Variants in CWC27 observed in about 807,000 individuals in gnomAD.
CWC27 encodes CWC27 spliceosome associated cyclophilin.
In CWC27, 47 loss-of-function variants were observed where a neutral mutation model predicts 63.6. The ratio of observed to expected loss-of-function variants is 0.74; its 90% CI spans 0.58 to 0.94. The LOEUF (loss-of-function observed/expected upper bound fraction) is 0.94, where lower values mean the gene tolerates loss of function less well. Ranked by LOEUF, CWC27 falls within the 40% of genes least tolerant of loss-of-function variation. The probability of loss-of-function intolerance (pLI) is 0.00; values close to 1 mark genes in which losing one functional copy is unlikely to be tolerated. For synonymous variants in CWC27, 175 were observed against 179.8 expected, an observed-to-expected ratio of 0.97 and a Z score of 0.22; for missense variants, 495 against 554.3, an observed-to-expected ratio of 0.89 and a Z score of 1.07.
intron 11 of CWC27, among the ~76,000 whole-genome samples, chr5:64,927,393 C>T (rs1748140299): frequency 6.6e-6 from 1 of 152,164 alleles, no homozygotes; most frequent in African/African-American, 2.4e-5. Context: ...TTCTCCAGTG[C>T]CAGCCCTGCC....
chr5:64,920,647 A>G lies in CWC27; in HGVS notation c.1042+35101A>G, dbSNP rs537052801. ...CAGTTTCAGAAATTGTTATTGATCC[A>G]TTCAAGCTTTTAGTTTTTTCCTGAT... is the stretch of plus-strand genomic sequence containing the variant. On this transcript the variant is annotated intron_variant, in intron 11 of 13. Transcript: ENST00000381070. Among the ~76,000 whole-genome samples the G allele has an allele frequency of 1.2e-4, 19 of 152,260 alleles. No homozygotes were observed. In the South Asian group the frequency reaches 3.9e-3, roughly 32 times the overall value.
At chr5:64,815,811 C>T (rs1014132248) in intron 10 of CWC27, among the ~76,000 whole-genome samples, 2 of 152,134 alleles carry the variant, frequency 1.3e-5, no homozygotes, top group Non-Finnish European at 2.9e-5. Context: ...TGGATATCTT[C>T]CATAATTTCA....
chr5:64,901,515 T>C (rs925477660), intron 11 of CWC27, among the ~76,000 whole-genome samples: 10 of 151,492 alleles, frequency 6.6e-5, no homozygotes, highest in African/African-American at 2.4e-5. Context: ...TAGGCACTTA[T>C]CATGAATGGA....
chr5:64,771,913 G>GT (rs1261631557), intron 1 of CWC27, among the ~76,000 whole-genome samples: 1 of 152,134 alleles, frequency 6.6e-6, no homozygotes, highest in East Asian at 1.9e-4. Context: ...TTTACTAGGT[G>GT]TAAGTTGCCT....
intron 10 of CWC27, among the ~76,000 whole-genome samples, chr5:64,829,900 T>C (rs1745468362): frequency 6.6e-6 from 1 of 151,862 alleles, no homozygotes; most frequent in African/African-American, 2.4e-5. Context: ...TGTGTTTGGT[T>C]TTCTGTTCTT....
At chr5:64,956,805 A>C (rs936696402) in intron 11 of CWC27, among the ~76,000 whole-genome samples, 2 of 152,168 alleles carry the variant, frequency 1.3e-5, no homozygotes, top group African/African-American at 2.4e-5. Flanking sequence ...TTTATTAGCC[A>C]TATAAACTGG....
intron 10 of CWC27, chr5:64,808,191 C>T (rs1324697162): frequency 9.9e-7 from 1 of 1,005,400 alleles, no homozygotes; most frequent in Admixed American, 5.3e-5. Context: ...AATCTGCATT[C>T]TAACAAGATC....
chr5:64,937,921 C>CTTTTTTTTTTTTTTTTTTTTTTTTTT (rs1211082437), intron 11 of CWC27, among the ~76,000 whole-genome samples: 2 of 99,306 alleles, frequency 2.0e-5, no homozygotes, highest in Admixed American at 9.8e-5. Context: ...GCAATCTCTG[C>CTTTTTTTTTTTTTTTTTTTTTTTTTT]TTTTTTTTTT....
At chr5:64,952,678 T>C (rs1435707854) in intron 11 of CWC27, among the ~76,000 whole-genome samples, 1 of 151,994 alleles carries the variant, frequency 6.6e-6, no homozygotes, top group East Asian at 1.9e-4. Context: ...TGAGAAATAA[T>C]ATTAAATAAA....
intron 11 of CWC27, among the ~76,000 whole-genome samples, chr5:64,897,759 AT>A (rs1747414722): frequency 6.6e-6 from 1 of 152,182 alleles, no homozygotes; most frequent in Admixed American, 6.5e-5. Flanking sequence ...AATAAAAAAA[AT>A]TGGACAATCA....
chr5:64,905,200 C>CAAAAAAAAAAAAAAAAAAAAAAAAAA (rs71608574), intron 11 of CWC27, among the ~76,000 whole-genome samples: 2 of 55,558 alleles, frequency 3.6e-5, no homozygotes, highest in African/African-American at 1.3e-4. Context: ...CACTACATCT[C>CAAAAAAAAAAAAAAAAAAAAAAAAAA]AAAAAAAAAA....
chr5:64,851,887 T>C (rs1395222353), intron 10 of CWC27, among the ~76,000 whole-genome samples: 1 of 152,212 alleles, frequency 6.6e-6, no homozygotes, highest in Non-Finnish European at 1.5e-5. Context: ...CTATATTGAA[T>C]TTATCTCACT....
At chr5:64,855,336 C>G (rs1422705691) in intron 10 of CWC27, among the ~76,000 whole-genome samples, 1 of 152,056 alleles carries the variant, frequency 6.6e-6, no homozygotes, top group Non-Finnish European at 1.5e-5. Flanking sequence ...GTGTTTGCAA[C>G]TAGAAAACAT....
At chr5:64,909,689 C>A (rs1247309041) in intron 11 of CWC27, among the ~76,000 whole-genome samples, 2 of 152,036 alleles carry the variant, frequency 1.3e-5, no homozygotes, top group Non-Finnish European at 2.9e-5. Flanking sequence ...TTAATTTGAT[C>A]TTCAGTCACT....
At chr5:64,779,467 AT>A (rs1743580492) in intron 2 of CWC27, among the ~76,000 whole-genome samples, 1 of 152,224 alleles carries the variant, frequency 6.6e-6, no homozygotes, top group South Asian at 2.1e-4. Flanking sequence ...TACAGAACTA[AT>A]TTCAGTGATG....
At chr5:64,795,194 G>A (rs1429108737) in intron 7 of CWC27, among the ~76,000 whole-genome samples, 1 of 152,120 alleles carries the variant, frequency 6.6e-6, no homozygotes, top group Non-Finnish European at 1.5e-5. Context: ...GGAGAATGCT[G>A]CTAGGCTGTT....
At chr5:64,886,676 T>C (rs959764734) in intron 11 of CWC27, among the ~76,000 whole-genome samples, 1 of 152,142 alleles carries the variant, frequency 6.6e-6, no homozygotes, top group African/African-American at 2.4e-5. Context: ...CTAAGATTAT[T>C]TGTACAAAAT....
intron 10 of CWC27, among the ~76,000 whole-genome samples, chr5:64,815,053 C>T (rs536411165): frequency 4.6e-4 from 70 of 152,202 alleles, no homozygotes; most frequent in African/African-American, 1.7e-3. Context: ...TAGTAATAAG[C>T]ATTGAGATAG....
In CWC27 at chr5:64,902,044, A is replaced by T. The variant is rs117548729; in HGVS notation, c.1042+16498A>T. ...CAATGCCTTCTTCTGGAATACCTCC[A>T]TACGGACCTGTCTGAGGCTATTTTA... On this transcript the variant is annotated intron_variant, in intron 11 of 13. Coordinates refer to ENST00000381070, the MANE Select transcript of CWC27 (RefSeq NM_005869.4). Among the ~76,000 whole-genome samples the T allele has an allele frequency of 7.9e-5, 12 of 152,282 alleles. No individual in the cohort carries two copies. In the East Asian group the frequency reaches 2.1e-3, roughly 27 times the overall value.
Sources: gnomAD v4.1 joint callset for allele counts (sites outside exome capture counted in the v4.1 genomes callset) on GRCh38, gnomAD v4.1.1 for gene constraint, MANE v1.5 for transcripts, NCBI Gene and HGNC (gene_info 2026-07-23, HGNC 2026-07-21) for gene names.